BRF1: variants seen among roughly 807,000 people sequenced by gnomAD.
The protein encoded by BRF1 is transcription factor IIIB 90 kDa subunit.
In BRF1, 59 loss-of-function variants were observed where a neutral mutation model predicts 81.7. The observed-to-expected ratio is 0.72, with a 90% CI of 0.59 to 0.90. The LOEUF (loss-of-function observed/expected upper bound fraction) is 0.90, where lower values mean the gene tolerates loss of function less well. Among genes scored for constraint, BRF1 ranks in the 40% least tolerant of loss-of-function variants. BRF1 has a pLI of 0.00. For missense variants in BRF1, 1,050 were observed against 936.3 expected (o/e 1.12, Z -1.58); for synonymous variants, 491 against 395.6 (o/e 1.24, Z -2.86).
At chr14:105,214,454 G>A (rs1447214931) in intron 15 of BRF1, among the ~76,000 whole-genome samples, 1 of 103,040 alleles carries the variant, frequency 9.7e-6, no homozygotes, top group Non-Finnish European at 2.0e-5. Flanking sequence ...CCCCTGCGTG[G>A]CTCAGCTGCC....
At chr14:105,248,962 C>T in intron 5 of BRF1, 2 of 979,580 alleles carry the variant, frequency 2.0e-6, no homozygotes, top group Non-Finnish European at 2.4e-6. Context: ...AAGGCCGGGC[C>T]GCGCAGCCCG....
At chr14:105,217,937 C>T in intron 14 of BRF1, 137 bp from the exon 15 acceptor site, 1 of 1,371,016 alleles carries the variant, frequency 7.3e-7, no homozygotes, top group Non-Finnish European at 9.8e-7. Context: ...CTGCCTCCTC[C>T]CCCCAGAATG....
rs1021752418 is a variant in BRF1, at chr14:105,267,223, G to A, written c.439+5498C>T. Among the ~76,000 whole-genome samples, 5 of 151,902 alleles carry A rather than the reference G, an allele frequency of 3.3e-5. No homozygotes were observed. In the East Asian group the frequency reaches 7.8e-4, roughly 24 times the overall value. On this transcript the variant is annotated intron_variant, in intron 3 of 17. Transcript: ENST00000547530. The stretch of plus-strand genomic sequence containing the variant: ...TAAACCTCTGCTACGCCAGCAACAA[G>A]ACACCACCGACAAGGGGCCCACATG...
At position 105,219,246 on chromosome 14, in the gene BRF1, G is replaced by C; in HGVS notation, c.1378-14C>G. On this transcript the variant is annotated splice_polypyrimidine_tract_variant and intron_variant, in intron 12 of 17. Coordinates refer to ENST00000547530, the MANE Select transcript of BRF1 (RefSeq NM_001519.4). ...ATTCAGGATGTACTGGGCGAGCACAGGGAAGTGGGGCTGGCTTTTAGCCTT... is the reference window on the plus strand; with the variant it reads ...ATTCAGGATGTACTGGGCGAGCACACGGAAGTGGGGCTGGCTTTTAGCCTT... The C allele has an allele frequency of 3.1e-6, 5 of 1,609,414 alleles. No individual in the cohort carries two copies. The highest frequency in any genetic ancestry group is 4.3e-6 in the Non-Finnish European group (5 of 1,176,442).
At chr14:105,241,118 G>T (rs2054585123) in intron 6 of BRF1, 147 bp downstream of exon 6, 1 of 1,308,366 alleles carries the variant, frequency 7.6e-7, no homozygotes. Context: ...GACCCCGGTG[G>T]GCCAGGCCAG....
At chr14:105,290,948 C>A (rs587757590) in intron 1 of BRF1, among the ~76,000 whole-genome samples, 1 of 152,092 alleles carries the variant, frequency 6.6e-6, no homozygotes, top group African/African-American at 2.4e-5. Context: ...CAGTGTGAAA[C>A]CTCAGAACAC....
chr14:105,250,058 C>T, intron 5 of BRF1: 1 of 1,613,014 alleles, frequency 6.2e-7, no homozygotes, highest in East Asian at 2.2e-5. Flanking sequence ...AGCCCTCTAT[C>T]TGGTCCGAAT....
chr14:105,254,455 C>T (rs910191147), intron 4 of BRF1, among the ~76,000 whole-genome samples: 1 of 152,138 alleles, frequency 6.6e-6, no homozygotes. Flanking sequence ...GATGGAGTTT[C>T]ACCGCGTTAG....
chr14:105,217,940 C>A (rs587768855), intron 14 of BRF1, 140 bp from the exon 15 acceptor site: 29 of 1,360,532 alleles, frequency 2.1e-5, no homozygotes, highest in South Asian at 7.1e-5. Context: ...CCTCCTCCCC[C>A]CAGAATGTGG....
At chr14:105,244,669 C>T (rs946594174) in intron 5 of BRF1, among the ~76,000 whole-genome samples, 1 of 151,990 alleles carries the variant, frequency 6.6e-6, no homozygotes, top group Non-Finnish European at 1.5e-5. Flanking sequence ...AGGAAAAACA[C>T]TGGAAACAAC....
At chr14:105,293,415 C>A (rs2057601909) in intron 1 of BRF1, among the ~76,000 whole-genome samples, 1 of 152,196 alleles carries the variant, frequency 6.6e-6, no homozygotes, top group African/African-American at 2.4e-5. Flanking sequence ...GGGAAACGCT[C>A]CCCACCCCCA....
chr14:105,246,500 C>T (rs1366468336), intron 5 of BRF1, among the ~76,000 whole-genome samples: 28 of 151,986 alleles, frequency 1.8e-4, no homozygotes, highest in African/African-American at 6.3e-4. Flanking sequence ...AACGGAGTCT[C>T]GCTCTGTCAT....
chr14:105,219,295 C>T lies in BRF1; in HGVS notation c.1378-63G>A, dbSNP rs750878882. ...TTCGCACACCGGGGCATGCTAAGGTCGCGCTGGCCAGCGGGAAGTATTTCC... is the reference window on the plus strand; with the variant it reads ...TTCGCACACCGGGGCATGCTAAGGTTGCGCTGGCCAGCGGGAAGTATTTCC... On this transcript the variant is annotated intron_variant, in intron 12 of 17. Coordinates refer to ENST00000547530, the MANE Select transcript of BRF1 (RefSeq NM_001519.4). The T allele has an allele frequency of 3.1e-6, 5 of 1,595,410 alleles. No individual in the cohort carries two copies. In the East Asian group the frequency reaches 6.8e-5, roughly 22 times the overall value.
At chr14:105,288,131 A>G (rs1440573501) in intron 1 of BRF1, among the ~76,000 whole-genome samples, 1 of 152,210 alleles carries the variant, frequency 6.6e-6, no homozygotes, top group Non-Finnish European at 1.5e-5. Flanking sequence ...GGCTGCCATA[A>G]AAATTGCCAC....
intron 5 of BRF1, chr14:105,250,805 G>A: frequency 2.1e-6 from 2 of 973,018 alleles, no homozygotes; most frequent in Non-Finnish European, 3.0e-6. Context: ...AAGCTTGACT[G>A]TGTAGAGACA....
chr14:105,224,959 C>G (rs182723740), intron 10 of BRF1, among the ~76,000 whole-genome samples: 1 of 152,254 alleles, frequency 6.6e-6, no homozygotes. Context: ...GGGGAAAGCA[C>G]CTGATCCCCA....
chr14:105,301,437 G>T (rs1289940844), upstream of BRF1, among the ~76,000 whole-genome samples: 1 of 151,934 alleles, frequency 6.6e-6, no homozygotes, highest in Admixed American at 6.6e-5. Flanking sequence ...GAGGCGAGGG[G>T]GCCGAGCGTG....
intron 5 of BRF1, chr14:105,242,167 G>A (rs937084467): frequency 2.0e-5 from 3 of 152,374 alleles, no homozygotes; most frequent in Non-Finnish European, 2.9e-5. Flanking sequence ...TCCATAACAC[G>A]AAGGATAAAT....
At chr14:105,283,736 A>G (rs1264507621) in intron 2 of BRF1, among the ~76,000 whole-genome samples, 1 of 152,234 alleles carries the variant, frequency 6.6e-6, no homozygotes, top group Non-Finnish European at 1.5e-5. Flanking sequence ...GACCAACTCT[A>G]GTAAAGATAC....
Sources: gnomAD v4.1 joint callset for allele counts (sites outside exome capture counted in the v4.1 genomes callset) on GRCh38, gnomAD v4.1.1 for gene constraint, MANE v1.5 for transcripts, NCBI Gene and HGNC (gene_info 2026-07-23, HGNC 2026-07-21) for gene names.